The following SORCS2 variants were observed in gnomAD, a reference collection of about 807,000 sequenced individuals.
The protein encoded by SORCS2 is sortilin related VPS10 domain containing receptor 2.
In SORCS2, 100 loss-of-function variants were observed where a neutral mutation model predicts 141.6. The observed-to-expected ratio is 0.71, with a 90% confidence interval of 0.60 to 0.83. The LOEUF (loss-of-function observed/expected upper bound fraction) is 0.83, where lower values mean the gene tolerates loss of function less well. Ranked by LOEUF, SORCS2 falls within the 40% of genes least tolerant of loss-of-function variation. The probability of loss-of-function intolerance (pLI) is 0.00; values close to 1 mark genes in which losing one functional copy is unlikely to be tolerated. For synonymous variants in SORCS2, 789 were observed against 676.9 expected, an observed-to-expected ratio of 1.17 and a Z score of -2.57; for missense variants, 1,646 against 1,560.2, an observed-to-expected ratio of 1.05 and a Z score of -0.93.
chr4:7,653,513 G>T (rs982746985), intron 4 of SORCS2, among the ~76,000 whole-genome samples: 2 of 152,200 alleles, frequency 1.3e-5, no homozygotes, highest in Non-Finnish European at 2.9e-5. Context: ...AAGGTGCTGG[G>T]ATTACAGGCG....
chr4:7,398,976 C>T (rs1009462587), intron 2 of SORCS2, among the ~76,000 whole-genome samples: 1 of 152,238 alleles, frequency 6.6e-6, no homozygotes, highest in Non-Finnish European at 1.5e-5. Context: ...TGCCCTGCAT[C>T]CTGCTGGCGA....
intron 2 of SORCS2, among the ~76,000 whole-genome samples, chr4:7,490,772 C>A (rs558979703): frequency 3.3e-5 from 5 of 152,276 alleles, no homozygotes; most frequent in African/African-American, 1.2e-4. Context: ...CTCTCTCCGG[C>A]TGGCTGGCAT....
At chr4:7,291,468 G>C (rs945675551) in intron 1 of SORCS2, among the ~76,000 whole-genome samples, 2 of 152,150 alleles carry the variant, frequency 1.3e-5, no homozygotes, top group East Asian at 1.9e-4. Context: ...GGGCTCCCAG[G>C]GTTCTGGCTC....
intron 1 of SORCS2, among the ~76,000 whole-genome samples, chr4:7,284,353 G>A (rs550030479): frequency 6.6e-6 from 1 of 152,306 alleles, no homozygotes; most frequent in East Asian, 1.9e-4. Context: ...GCTTGGCCTT[G>A]AGCCACTTTA....
chr4:7,443,439 T>C (rs1577572023), intron 2 of SORCS2, among the ~76,000 whole-genome samples: 1 of 152,226 alleles, frequency 6.6e-6, no homozygotes, highest in Non-Finnish European at 1.5e-5. Flanking sequence ...GAATGGAGCC[T>C]CAACCCCCTG....
chr4:7,668,029 T>C (rs976823769), intron 8 of SORCS2, among the ~76,000 whole-genome samples: 4 of 152,180 alleles, frequency 2.6e-5, no homozygotes, highest in African/African-American at 2.4e-5. Flanking sequence ...ACATGCATAG[T>C]TGAGAAACAG....
In SORCS2 at chr4:7,696,309, C is replaced by T. The variant is rs1232756925; in HGVS notation, c.1592-889C>T. Among the ~76,000 whole-genome samples the T allele has an allele frequency of 3.9e-5, 6 of 152,278 alleles. No individual in the cohort carries two copies. The East Asian group carries it at 9.7e-4, about 25-fold the overall frequency. On this transcript the variant is annotated intron_variant, in intron 11 of 26. Coordinates refer to ENST00000507866, the MANE Select transcript of SORCS2 (RefSeq NM_020777.3). ...TGGAGACTTGGACCCCTGTCTCTGCCACAGCCATTGGGTACAGTGGAAGTC... is the reference window on the plus strand; with the variant it reads ...TGGAGACTTGGACCCCTGTCTCTGCTACAGCCATTGGGTACAGTGGAAGTC...
At chr4:7,435,506 A>C (rs1376299847) in intron 2 of SORCS2, among the ~76,000 whole-genome samples, 1 of 152,214 alleles carries the variant, frequency 6.6e-6, no homozygotes, top group Non-Finnish European at 1.5e-5. Flanking sequence ...TTAAACTGTG[A>C]AGTGGGAGAG....
intron 1 of SORCS2, among the ~76,000 whole-genome samples, chr4:7,331,149 A>G (rs879525870): frequency 2.0e-5 from 3 of 151,920 alleles, no homozygotes; most frequent in African/African-American, 7.3e-5. Flanking sequence ...ACTGGTGAGG[A>G]GGAGGCTGTG....
At chr4:7,636,292 C>G (rs922898364) in intron 3 of SORCS2, among the ~76,000 whole-genome samples, 2 of 152,250 alleles carry the variant, frequency 1.3e-5, no homozygotes, top group Admixed American at 6.5e-5. Context: ...ACAGCCACAA[C>G]TGCTCTCCTG....
intron 2 of SORCS2, chr4:7,433,595 T>G (rs1727046441): frequency 1.2e-6 from 2 of 1,611,780 alleles, no homozygotes; most frequent in African/African-American, 2.7e-5. Flanking sequence ...AGCGGCAGGA[T>G]GCTGCAGCCA....
chr4:7,278,680 T>G (rs866041535), intron 1 of SORCS2, among the ~76,000 whole-genome samples: 1 of 152,196 alleles, frequency 6.6e-6, no homozygotes, highest in Non-Finnish European at 1.5e-5. Flanking sequence ...CATGCGCTTA[T>G]GGGGCCAGCT....
chr4:7,284,742 C>G (rs1194107511), intron 1 of SORCS2, among the ~76,000 whole-genome samples: 2 of 152,180 alleles, frequency 1.3e-5, no homozygotes, highest in East Asian at 3.9e-4. Context: ...TAACAAATTG[C>G]TACAACCGGG....
At chr4:7,258,780 C>T (rs2108818021) in intron 1 of SORCS2, among the ~76,000 whole-genome samples, 1 of 152,358 alleles carries the variant, frequency 6.6e-6, no homozygotes, top group Non-Finnish European at 1.5e-5. Context: ...GAAACATCCT[C>T]TCCAGCATGT....
At chr4:7,728,533 C>T (rs538089393) in intron 22 of SORCS2, 71 bp downstream of exon 22, 64 of 1,166,072 alleles carry the variant, frequency 5.5e-5, no homozygotes, top group East Asian at 5.3e-4. Context: ...CCAAGGGCCC[C>T]GGGGTGCTCA....
chr4:7,339,528 G>A (rs115259159), intron 1 of SORCS2, among the ~76,000 whole-genome samples: 2,209 of 152,278 alleles, frequency 0.015, 24 homozygotes, highest in Non-Finnish European at 0.021. Flanking sequence ...CATCCTTGGC[G>A]TGCATGGCCT....
At chr4:7,474,631 A>C (rs1362049874) in intron 2 of SORCS2, among the ~76,000 whole-genome samples, 2 of 152,108 alleles carry the variant, frequency 1.3e-5, no homozygotes, top group Non-Finnish European at 2.9e-5. Flanking sequence ...TGTCACCAAG[A>C]AGGTAGCTGG....
Position 7,381,576 on chromosome 4 carries a change from G to A in SORCS2, c.481-14712G>A, listed in dbSNP as rs535214209. Among the ~76,000 whole-genome samples the A allele has an allele frequency of 3.9e-5, 6 of 152,342 alleles. No homozygotes were observed. The South Asian group carries it at 1.2e-3, about 32-fold the overall frequency. On this transcript the variant is annotated intron_variant, in intron 1 of 26. Coordinates refer to ENST00000507866, the MANE Select transcript of SORCS2 (RefSeq NM_020777.3). Reference sequence around the variant, plus strand: ...TGTCCCTGGCGGAGGGAGGGTGGCTGTGCAGGTGTGGATGGATAAGAGGAA... The same window carrying A: ...TGTCCCTGGCGGAGGGAGGGTGGCTATGCAGGTGTGGATGGATAAGAGGAA...
chr4:7,708,047 C>T (rs998002670), intron 14 of SORCS2, among the ~76,000 whole-genome samples: 1 of 152,218 alleles, frequency 6.6e-6, no homozygotes, highest in Admixed American at 6.5e-5. Context: ...GAGGAGCTGT[C>T]AGGAGGATTC....
Sources: gnomAD v4.1 joint callset for allele counts (sites outside exome capture counted in the v4.1 genomes callset) on GRCh38, gnomAD v4.1.1 for gene constraint, MANE v1.5 for transcripts, NCBI Gene and HGNC (gene_info 2026-07-23, HGNC 2026-07-21) for gene names.